TPD52: variants seen among roughly 807,000 people sequenced by gnomAD.
The protein encoded by TPD52 is tumor protein D52.
In TPD52, 17 loss-of-function variants were observed where a neutral mutation model predicts 31.3. The observed-to-expected ratio is 0.54, with a 90% CI of 0.37 to 0.82. The LOEUF (loss-of-function observed/expected upper bound fraction) is 0.82. Ranked by LOEUF, TPD52 falls within the 40% of genes least tolerant of loss-of-function variation. The pLI, the probability that TPD52 is intolerant of heterozygous loss-of-function variation, is 0.00. For missense variants in TPD52, 212 were observed against 240.1 expected, an observed-to-expected ratio of 0.88 and a Z score of 0.77; for synonymous variants, 83 against 89.6, an observed-to-expected ratio of 0.93 and a Z score of 0.42.
rs193243136 is a variant in TPD52 at position 80,095,820 on chromosome 8, C to T, written c.20-31227G>A. On this transcript the variant is annotated intron_variant, in intron 1 of 7. Coordinates refer to ENST00000518937, the MANE Select transcript of TPD52 (RefSeq NM_001025253.3). ...AAAATTAGCTGAGTGTAGCGGCATG[C>T]GCCCGTGGTCCCAGCTACTCAGGAG... is the stretch of plus-strand genomic sequence containing the variant. Among the ~76,000 whole-genome samples the T allele has an allele frequency of 3.8e-4, 58 of 152,270 alleles. 1 individual carries two copies. The highest frequency in any genetic ancestry group is 1.3e-3 in the African/African-American group (56 of 41,542).
At chr8:80,164,993 AG>A (rs771050409) in intron 1 of TPD52, among the ~76,000 whole-genome samples, 6 of 151,760 alleles carry the variant, frequency 4.0e-5, no homozygotes, top group Non-Finnish European at 7.4e-5. Context: ...ATGACAAACT[AG>A]AAAAAAAATT....
chr8:80,131,864 G>A (rs1280094646), intron 1 of TPD52, among the ~76,000 whole-genome samples: 3 of 152,058 alleles, frequency 2.0e-5, no homozygotes, highest in East Asian at 1.9e-4. Context: ...CTATGAAGAC[G>A]CAATTCAGCA....
Position 80,064,497 on chromosome 8 carries a change from A to G in TPD52, c.116T>C (p.Leu39Pro), listed in dbSNP as rs748148121. Residue 39 changes from leucine (L) to proline (P), a missense_variant, in exon 2 of 8, where the codon CTA becomes CCA. By Grantham distance (98) the Leu-to-Pro change is moderately conservative. Coordinates refer to ENST00000518937, the MANE Select transcript of TPD52 (RefSeq NM_001025253.3). ...CTTTACCTTTGCAAGTTCTCTTCTT[A>G]GCTCTTCCTGCTCCTCTTCCGAGAG... ...ETLSEEEQEE[L>P]RRELAKVEEE... The G allele has an allele frequency of 6.2e-7, 1 of 1,614,066 alleles. No homozygotes were observed. Among genetic ancestry groups the G allele is most frequent in the Non-Finnish European group, 8.5e-7 (1 of 1,179,914 alleles).
intron 1 of TPD52, among the ~76,000 whole-genome samples, chr8:80,116,648 T>C (rs1646559772): frequency 1.3e-5 from 2 of 152,114 alleles, no homozygotes. Flanking sequence ...GCTCAGTCTA[T>C]GAGGCCAGTA....
chr8:80,110,731 C>G (rs1200748000), intron 1 of TPD52, among the ~76,000 whole-genome samples: 1 of 152,124 alleles, frequency 6.6e-6, no homozygotes, highest in Non-Finnish European at 1.5e-5. Context: ...AAACCAGAAA[C>G]TGCACCAATC....
chr8:80,155,654 C>T (rs1048292662), intron 1 of TPD52, among the ~76,000 whole-genome samples: 8 of 152,072 alleles, frequency 5.3e-5, no homozygotes, highest in Admixed American at 1.3e-4. Flanking sequence ...GAGGCCGAGG[C>T]GGGCAGATCA....
intron 1 of TPD52, among the ~76,000 whole-genome samples, chr8:80,088,370 TA>T (rs1291274759): frequency 1.3e-5 from 2 of 152,186 alleles, no homozygotes; most frequent in African/African-American, 2.4e-5. Context: ...AATTCTTCAT[TA>T]GAATTTATTT....
At chr8:80,130,727 C>G (rs1323703864) in intron 1 of TPD52, among the ~76,000 whole-genome samples, 2 of 152,242 alleles carry the variant, frequency 1.3e-5, no homozygotes, top group Non-Finnish European at 2.9e-5. Flanking sequence ...TGTTTGGTGA[C>G]CAACCTTCCC....
chr8:80,032,773 G>A (rs1344176551), downstream of TPD52: 1 of 152,236 alleles, frequency 6.6e-6, no homozygotes, highest in Non-Finnish European at 1.5e-5. Context: ...TCAACCATGT[G>A]TGCAAACCAA....
intron 1 of TPD52, among the ~76,000 whole-genome samples, chr8:80,069,462 C>T (rs1375363451): frequency 6.6e-6 from 1 of 151,616 alleles, no homozygotes; most frequent in East Asian, 2.0e-4. Context: ...AAGACCCTGT[C>T]TCAAAACAAC....
chr8:80,100,597 C>A (rs1295259530), intron 1 of TPD52, among the ~76,000 whole-genome samples: 3 of 152,182 alleles, frequency 2.0e-5, no homozygotes, highest in Non-Finnish European at 4.4e-5. Flanking sequence ...ACCTAGCTAG[C>A]CAAAGTTTAT....
downstream of TPD52, among the ~76,000 whole-genome samples, chr8:80,031,677 A>C (rs560354803): frequency 5.9e-5 from 9 of 152,184 alleles, no homozygotes; most frequent in South Asian, 1.9e-3. Flanking sequence ...GGGCCATAGC[A>C]AGAACCAGTC....
chr8:80,140,529 AC>A (rs1809756380), intron 1 of TPD52, among the ~76,000 whole-genome samples: 1 of 152,248 alleles, frequency 6.6e-6, no homozygotes, highest in Admixed American at 6.5e-5. Flanking sequence ...AAGAGATTAA[AC>A]AACTTTTGAA....
downstream of TPD52, among the ~76,000 whole-genome samples, chr8:80,032,091 T>C (rs1309316103): frequency 6.9e-6 from 1 of 144,074 alleles, no homozygotes; most frequent in African/African-American, 2.6e-5. Flanking sequence ...AGGTGGAGGT[T>C]GCAGTGAGCC....
At chr8:80,148,866 C>T (rs1810381139) in intron 1 of TPD52, among the ~76,000 whole-genome samples, 1 of 152,120 alleles carries the variant, frequency 6.6e-6, no homozygotes. Context: ...CTCTGTTGTA[C>T]AGAGAAAAAT....
chr8:80,031,092 G>GTGTT (rs1220613080), downstream of TPD52, among the ~76,000 whole-genome samples: 1 of 152,168 alleles, frequency 6.6e-6, no homozygotes, highest in African/African-American at 2.4e-5. Context: ...TCATTCTTAA[G>GTGTT]TGTTTATTAA....
chr8:80,040,796 G>T (rs1039153014), intron 7 of TPD52, among the ~76,000 whole-genome samples: 1 of 152,178 alleles, frequency 6.6e-6, no homozygotes, highest in African/African-American at 2.4e-5. Flanking sequence ...TCAAATATAT[G>T]ACTTGGCACT....
chr8:80,075,373 T>G (rs907842850), intron 1 of TPD52, among the ~76,000 whole-genome samples: 6 of 152,158 alleles, frequency 3.9e-5, no homozygotes, highest in Non-Finnish European at 8.8e-5. Context: ...CCACATCGGG[T>G]GCAAAGTGCT....
At chr8:80,085,287 G>A (rs1197132577) in intron 1 of TPD52, among the ~76,000 whole-genome samples, 1 of 152,228 alleles carries the variant, frequency 6.6e-6, no homozygotes, top group Non-Finnish European at 1.5e-5. Flanking sequence ...AATAACCGGA[G>A]ACGACTCATG....
Sources: allele counts gnomAD v4.1 joint callset (sites outside exome capture counted in the v4.1 genomes callset), GRCh38; gene constraint gnomAD v4.1.1; transcripts MANE v1.5; gene names NCBI Gene and HGNC (gene_info 2026-07-23, HGNC 2026-07-21).